PALLD: variants seen among roughly 807,000 people sequenced by gnomAD.
PALLD encodes the protein palladin.
Under a neutral mutation model 123.5 loss-of-function variants are expected in PALLD, and 61 were observed. The observed-to-expected ratio is 0.49, with a 90% CI of 0.40 to 0.61. The LOEUF is 0.61. Ranked by LOEUF, PALLD falls within the 20% of genes least tolerant of loss-of-function variation. The pLI, the probability that PALLD is intolerant of heterozygous loss-of-function variation, is 0.00. For missense variants in PALLD, 1,273 were observed against 1,377.0 expected (o/e 0.92, Z 1.20); for synonymous variants, 465 against 496.4 (o/e 0.94, Z 0.84).
intron 2 of PALLD, among the ~76,000 whole-genome samples, chr4:168,643,687 G>T (rs529814969): frequency 6.6e-6 from 1 of 152,124 alleles, no homozygotes; most frequent in Admixed American, 6.5e-5. Flanking sequence ...ATTTATGACC[G>T]CAGGTGACCT....
intron 2 of PALLD, among the ~76,000 whole-genome samples, chr4:168,627,794 T>C (rs900275780): frequency 2.3e-4 from 35 of 151,962 alleles, no homozygotes; most frequent in African/African-American, 8.5e-4. Context: ...AAGAACCCAA[T>C]AAAATATGGG....
rs189801985 is a variant in PALLD, at chr4:168,928,084, T to C, written c.*1904T>C. ...AACCAACCAAGGTTTAAGTGATTAATAGGCTTGAGCACCGGGTGGCAGATG... is the reference window on the plus strand; with the variant it reads ...AACCAACCAAGGTTTAAGTGATTAACAGGCTTGAGCACCGGGTGGCAGATG... On this transcript the variant is annotated 3_prime_UTR_variant, in exon 22 of 22. Coordinates refer to ENST00000505667, the MANE Select transcript of PALLD (RefSeq NM_001166108.2). The C allele has an allele frequency of 5.1e-6, 1 of 196,122 alleles. No individual in the cohort carries two copies. The highest frequency in any genetic ancestry group is 1.1e-5 in the Non-Finnish European group (1 of 94,076). The allele number at this position is 196,122 out of a possible 1,614,324, so 12.1% of individuals were successfully genotyped here.
chr4:168,674,289 A>G (rs1281798817), intron 3 of PALLD, among the ~76,000 whole-genome samples: 2 of 152,174 alleles, frequency 1.3e-5, no homozygotes, highest in African/African-American at 4.8e-5. Flanking sequence ...AAATATAAAC[A>G]TAGATGTCTA....
intron 10 of PALLD, among the ~76,000 whole-genome samples, chr4:168,752,497 A>G (rs1439343829): frequency 6.6e-6 from 1 of 152,192 alleles, no homozygotes; most frequent in Non-Finnish European, 1.5e-5. Flanking sequence ...TAGAATAGAG[A>G]TGGTTATCTT....
At chr4:168,722,184 A>T (rs947030170) in intron 10 of PALLD, among the ~76,000 whole-genome samples, 4 of 152,148 alleles carry the variant, frequency 2.6e-5, no homozygotes, top group African/African-American at 9.7e-5. Context: ...AGCTGGGACT[A>T]CAAGTGCACA....
At chr4:168,926,082 T>G (rs534104690) in intron 21 of PALLD, 131 bp from the exon 22 acceptor site, 1 of 697,814 alleles carries the variant, frequency 1.4e-6, no homozygotes, top group Non-Finnish European at 2.2e-6. Context: ...TTCCTAAATT[T>G]TCCATGTTTC....
At chr4:168,727,879 T>TATTGTGAATTATGTA (rs1217425728) in intron 10 of PALLD, among the ~76,000 whole-genome samples, 1 of 151,854 alleles carries the variant, frequency 6.6e-6, no homozygotes, top group East Asian at 2.0e-4. Flanking sequence ...TTGAGCTAAT[T>TATTGTGAATTATGTA]TTTGTATATG....
At chr4:168,509,867 C>T (rs2149421887) in intron 1 of PALLD, among the ~76,000 whole-genome samples, 1 of 152,320 alleles carries the variant, frequency 6.6e-6, no homozygotes, top group South Asian at 2.1e-4. Flanking sequence ...GTCTATGACT[C>T]ACTGCATCCA....
At chr4:168,547,995 A>T (rs1766335811) in intron 2 of PALLD, among the ~76,000 whole-genome samples, 1 of 151,244 alleles carries the variant, frequency 6.6e-6, no homozygotes, top group South Asian at 2.1e-4. Flanking sequence ...CAGTGAGCCG[A>T]GAATGTGCCA....
At chr4:168,569,026 T>C (rs567488312) in intron 2 of PALLD, among the ~76,000 whole-genome samples, 2 of 152,142 alleles carry the variant, frequency 1.3e-5, no homozygotes, top group African/African-American at 4.8e-5. Flanking sequence ...TCTCCTGGTC[T>C]GGTTTACTTT....
chr4:168,726,693 C>G (rs1285702743), intron 10 of PALLD, among the ~76,000 whole-genome samples: 2 of 151,760 alleles, frequency 1.3e-5, no homozygotes, highest in African/African-American at 4.8e-5. Flanking sequence ...CAGGGTTCAG[C>G]AGACACTTTG....
At chr4:168,725,052 A>G (rs907962691) in intron 10 of PALLD, among the ~76,000 whole-genome samples, 12 of 152,216 alleles carry the variant, frequency 7.9e-5, no homozygotes, top group African/African-American at 2.9e-4. Flanking sequence ...ATTTAAATGT[A>G]ATGATGTATG....
At chr4:168,822,133 A>T (rs1328660589) in intron 10 of PALLD, among the ~76,000 whole-genome samples, 1 of 152,188 alleles carries the variant, frequency 6.6e-6, no homozygotes, top group African/African-American at 2.4e-5. Context: ...ATTTTGTCTC[A>T]AGACCTCATT....
chr4:168,608,063 C>T (rs775503296), intron 2 of PALLD, among the ~76,000 whole-genome samples: 14 of 152,100 alleles, frequency 9.2e-5, no homozygotes, highest in Non-Finnish European at 1.6e-4. Flanking sequence ...TCAGTAGGTC[C>T]CGTTTTTACA....
At chr4:168,898,797 AAG>A in intron 14 of PALLD, 83 bp downstream of exon 14, 1 of 857,208 alleles carries the variant, frequency 1.2e-6, no homozygotes, top group South Asian at 1.4e-5. Context: ...CAGTAGGAGA[AAG>A]AGATACAAAT....
intron 1 of PALLD, among the ~76,000 whole-genome samples, chr4:168,508,584 C>T (rs1457312593): frequency 6.6e-6 from 1 of 152,088 alleles, no homozygotes; most frequent in Non-Finnish European, 1.5e-5. Flanking sequence ...TTGGTTGACA[C>T]AAAATGTTTT....
intron 10 of PALLD, among the ~76,000 whole-genome samples, chr4:168,858,383 C>T (rs887931850): frequency 4.6e-5 from 7 of 152,202 alleles, no homozygotes; most frequent in South Asian, 4.1e-4. Context: ...TCTTTTATTT[C>T]GAGTGTGAAG....
intron 2 of PALLD, among the ~76,000 whole-genome samples, chr4:168,542,792 C>CAGATACCA (rs960311247): frequency 3.7e-5 from 5 of 134,630 alleles, no homozygotes; most frequent in African/African-American, 1.2e-4. Flanking sequence ...AGAGCTTAGG[C>CAGATACCA]AGATACCAAC....
chr4:168,917,241 G>T (rs1327780001), intron 17 of PALLD, among the ~76,000 whole-genome samples: 1 of 151,066 alleles, frequency 6.6e-6, no homozygotes, highest in Non-Finnish European at 1.5e-5. Context: ...GTACAGACGG[G>T]GTTTCACCAT....
Sources: gnomAD v4.1 joint callset for allele counts (sites outside exome capture counted in the v4.1 genomes callset) on GRCh38, gnomAD v4.1.1 for gene constraint, MANE v1.5 for transcripts, NCBI Gene and HGNC (gene_info 2026-07-23, HGNC 2026-07-21) for gene names.